CEMIP: variants seen among roughly 807,000 people sequenced by gnomAD.
CEMIP encodes cell migration-inducing and hyaluronan-binding protein.
A neutral mutation model predicts 156.9 loss-of-function variants in CEMIP; 105 were observed. The ratio of observed to expected loss-of-function variants is 0.67; its 90% CI spans 0.57 to 0.79. The LOEUF is 0.79. Ranked by LOEUF, CEMIP falls within the 30% of genes least tolerant of loss-of-function variation. The pLI is 0.00. For missense variants in CEMIP, 1,457 were observed against 1,769.4 expected (o/e 0.82, Z 3.17); for synonymous variants, 676 against 668.4 (o/e 1.01, Z -0.17).
intron 11 of CEMIP, among the ~76,000 whole-genome samples, 177 bp downstream of exon 11, chr15:80,895,299 C>G (rs1365109184): frequency 1.3e-5 from 2 of 152,166 alleles, no homozygotes; most frequent in Non-Finnish European, 2.9e-5. Flanking sequence ...AGAACCCCAC[C>G]CTGCCCATAA....
At chr15:80,925,484 G>A (rs138170322) in intron 18 of CEMIP, 140 bp from the exon 19 acceptor site, 37 of 1,129,418 alleles carry the variant, frequency 3.3e-5, no homozygotes, top group Non-Finnish European at 4.7e-5. Context: ...CAAGAGCCCA[G>A]GCAATGCGAA....
intron 1 of CEMIP, among the ~76,000 whole-genome samples, chr15:80,808,317 G>C (rs1896567690): frequency 6.6e-6 from 1 of 152,202 alleles, no homozygotes; most frequent in Non-Finnish European, 1.5e-5. Context: ...GACCCTCACA[G>C]CTGTAAATGG....
At chr15:80,817,640 A>ATAATAATAT (rs1166779489) in intron 1 of CEMIP, among the ~76,000 whole-genome samples, 11 of 145,788 alleles carry the variant, frequency 7.5e-5, no homozygotes, top group African/African-American at 2.8e-4. Flanking sequence ...AATAATAATA[A>ATAATAATAT]TATGTAAGTA....
intron 28 of CEMIP, among the ~76,000 whole-genome samples, chr15:80,943,661 T>A (rs1415029077): frequency 6.6e-6 from 1 of 152,164 alleles, no homozygotes; most frequent in East Asian, 1.9e-4. Context: ...TCCTCTTTCT[T>A]TCCTCCACAT....
At chr15:80,790,699 G>A (rs1031442563) in intron 1 of CEMIP, among the ~76,000 whole-genome samples, 1 of 152,054 alleles carries the variant, frequency 6.6e-6, no homozygotes, top group Non-Finnish European at 1.5e-5. Flanking sequence ...ACATGTTGAG[G>A]GGAATATTAG....
intron 1 of CEMIP, among the ~76,000 whole-genome samples, chr15:80,834,870 G>T (rs1412089062): frequency 6.6e-6 from 1 of 151,870 alleles, no homozygotes; most frequent in Non-Finnish European, 1.5e-5. Flanking sequence ...TTACAATATT[G>T]AGTCTTCCAA....
chr15:80,888,819 G>A, intron 9 of CEMIP, 23 bp downstream of exon 9: 1 of 1,576,978 alleles, frequency 6.3e-7, no homozygotes, highest in Non-Finnish European at 8.7e-7. Flanking sequence ...AGACAATTTG[G>A]TGACACCTAA....
chr15:80,926,783 C>T (rs1050677347), intron 19 of CEMIP, among the ~76,000 whole-genome samples: 1 of 114,696 alleles, frequency 8.7e-6, no homozygotes, highest in East Asian at 2.6e-4. Context: ...GTCAAAAAAG[C>T]AAAACTTAAA....
At chr15:80,799,338 A>G (rs1896316540) in intron 1 of CEMIP, among the ~76,000 whole-genome samples, 1 of 152,214 alleles carries the variant, frequency 6.6e-6, no homozygotes, top group Non-Finnish European at 1.5e-5. Context: ...GAGGAAATAG[A>G]TGGCTCTTCC....
chr15:80,881,444 G>C (rs1898655363), intron 6 of CEMIP, among the ~76,000 whole-genome samples: 1 of 152,206 alleles, frequency 6.6e-6, no homozygotes, highest in Non-Finnish European at 1.5e-5. Flanking sequence ...TGGATAGGGT[G>C]GTCAGGGAAA....
intron 1 of CEMIP, among the ~76,000 whole-genome samples, chr15:80,864,874 G>T (rs1370297977): frequency 1.3e-5 from 2 of 152,182 alleles, no homozygotes; most frequent in Non-Finnish European, 2.9e-5. Context: ...CCCACCCTCA[G>T]ATTTTTCTGA....
Position 80,931,719 on chromosome 15 carries a change from G to A in CEMIP, c.2613-140G>A, listed in dbSNP as rs573334732. ...GGGGAGTTTCTAGAGGTGGGGATCAGGAATGGTTTTACCCAGGAAGTCTCT... is the reference window on the plus strand; with the variant it reads ...GGGGAGTTTCTAGAGGTGGGGATCAAGAATGGTTTTACCCAGGAAGTCTCT... On this transcript the variant is annotated intron_variant, in intron 21 of 29. Transcript: ENST00000394685. 4.1e-4 allele frequency: 309 copies of A among 748,516 alleles called. 8 individuals carry two copies. The South Asian group carries it at 4.4e-3, about 11-fold the overall frequency. The allele number at this position is 748,516 out of a possible 1,614,324, so 46.4% of individuals were successfully genotyped here.
chr15:80,945,973 C>G (rs1265277065), intron 28 of CEMIP, among the ~76,000 whole-genome samples: 1 of 152,244 alleles, frequency 6.6e-6, no homozygotes, highest in Non-Finnish European at 1.5e-5. Flanking sequence ...CTCCAAACCT[C>G]TGTGTCTTTC....
chr15:80,829,385 G>A (rs1247795840), intron 1 of CEMIP, among the ~76,000 whole-genome samples: 1 of 152,142 alleles, frequency 6.6e-6, no homozygotes, highest in Non-Finnish European at 1.5e-5. Flanking sequence ...GCCTGCCTCT[G>A]CCACCCTTAG....
intron 14 of CEMIP, among the ~76,000 whole-genome samples, chr15:80,914,095 ACAGTATCTGTAGGC>A (rs1900170649): frequency 5.9e-5 from 1 of 16,974 alleles, no homozygotes; most frequent in Non-Finnish European, 7.6e-4. Context: ...GGAAGGCTCT[ACAGTATCTGTAGGC>A]TGGATAGTGG....
At chr15:80,812,984 G>A (rs1021748001) in intron 1 of CEMIP, among the ~76,000 whole-genome samples, 13 of 152,174 alleles carry the variant, frequency 8.5e-5, no homozygotes, top group African/African-American at 4.8e-5. Context: ...CTGAAATTAA[G>A]GGGGATAGAC....
intron 1 of CEMIP, among the ~76,000 whole-genome samples, chr15:80,795,294 G>T (rs1266219401): frequency 2.6e-5 from 4 of 152,104 alleles, no homozygotes. Flanking sequence ...CTGGGTAGGT[G>T]GGGGTGATAG....
intron 13 of CEMIP, among the ~76,000 whole-genome samples, chr15:80,907,102 A>G (rs1221638911): frequency 2.0e-5 from 3 of 152,206 alleles, no homozygotes; most frequent in Non-Finnish European, 4.4e-5. Flanking sequence ...GGTACACATC[A>G]CACTGTTTCA....
intron 1 of CEMIP, among the ~76,000 whole-genome samples, chr15:80,800,326 C>G (rs1311578620): frequency 6.6e-6 from 1 of 151,972 alleles, no homozygotes. Context: ...CTGGGACTGC[C>G]GAGAGAGCAG....
Sources: gnomAD v4.1 joint callset for allele counts (sites outside exome capture counted in the v4.1 genomes callset) on GRCh38, gnomAD v4.1.1 for gene constraint, MANE v1.5 for transcripts, NCBI Gene and HGNC (gene_info 2026-07-23, HGNC 2026-07-21) for gene names.